The following TSFM variants were observed in gnomAD, a reference collection of about 807,000 sequenced individuals.
TSFM encodes the protein Ts translation elongation factor, mitochondrial, also known as elongation factor Ts, mitochondrial.
A neutral mutation model predicts 33.4 loss-of-function variants in TSFM; 29 were observed. The observed-to-expected ratio is 0.87, with a 90% CI of 0.65 to 1.18. The LOEUF (loss-of-function observed/expected upper bound fraction) is 1.18, where lower values mean the gene tolerates loss of function less well. Ranked by LOEUF, TSFM falls within the 50% of genes most tolerant of loss-of-function variation. The pLI is 0.00. For missense variants in TSFM, 394 were observed against 395.6 expected, an observed-to-expected ratio of 1.00 and a Z score of 0.04; for synonymous variants, 178 against 163.5, an observed-to-expected ratio of 1.09 and a Z score of -0.68.
intron 4 of TSFM, among the ~76,000 whole-genome samples, chr12:57,790,395 AT>A (rs1248873723): frequency 6.6e-6 from 1 of 152,066 alleles, no homozygotes; most frequent in Non-Finnish European, 1.5e-5. Context: ...CTGAGATGTC[AT>A]TTGTTCTTCG....
At chr12:57,786,929 G>A (rs1488234828) in intron 3 of TSFM, 111 bp from the exon 4 acceptor site, 11 of 1,224,044 alleles carry the variant, frequency 9.0e-6, no homozygotes, top group South Asian at 3.4e-5. Flanking sequence ...TTTTTTTTCC[G>A]TTGAGTCTGT....
At chr12:57,787,863 G>A (rs749462194) in intron 4 of TSFM, among the ~76,000 whole-genome samples, 1 of 152,040 alleles carries the variant, frequency 6.6e-6, no homozygotes, top group Non-Finnish European at 1.5e-5. Context: ...GGAGGTAGAG[G>A]CTGCAGTGAG....
At chr12:57,789,850 G>A (rs1955639412) in intron 4 of TSFM, among the ~76,000 whole-genome samples, 1 of 152,180 alleles carries the variant, frequency 6.6e-6, no homozygotes, top group Non-Finnish European at 1.5e-5. Flanking sequence ...CAAGCTGACT[G>A]TAATGTCCTT....
chr12:57,802,407 A>G (rs1286058708), downstream of TSFM: 4 of 1,515,226 alleles, frequency 2.6e-6, no homozygotes, highest in African/African-American at 4.1e-5. Context: ...TAAGTACTAG[A>G]TCATACACAT....
At chr12:57,786,432 C>G (rs1490645699) in intron 3 of TSFM, 141 bp downstream of exon 3, 2 of 1,082,640 alleles carry the variant, frequency 1.8e-6, no homozygotes, top group Non-Finnish European at 2.5e-6. Flanking sequence ...CTCATGAAAC[C>G]CTGGGTATTA....
downstream of TSFM, chr12:57,797,924 G>T: frequency 6.2e-7 from 1 of 1,612,248 alleles, no homozygotes; most frequent in Middle Eastern, 1.7e-4. Flanking sequence ...GCTGTTTCCA[G>T]CCAGGCAGAG....
In TSFM at chr12:57,784,147, A is replaced by G. The variant is rs1331173303; in HGVS notation, c.231+864A>G. 4.3e-6 allele frequency: 3 copies of G among 702,364 alleles called. No individual in the cohort carries two copies. In the Admixed American group the frequency reaches 6.0e-5, roughly 14 times the overall value. The allele number at this position is 702,364 out of a possible 1,614,324, so 43.5% of individuals were successfully genotyped here. ...GTTACAAAATGTTACTGGACTGAATACTGTAGGCAGTTGTAACACAGTGGT... is the reference window on the plus strand; with the variant it reads ...GTTACAAAATGTTACTGGACTGAATGCTGTAGGCAGTTGTAACACAGTGGT... On this transcript the variant is annotated intron_variant, in intron 2 of 5. Transcript: ENST00000652027.
At chr12:57,785,453 T>A (rs2140416328) in intron 2 of TSFM, among the ~76,000 whole-genome samples, 1 of 152,260 alleles carries the variant, frequency 6.6e-6, no homozygotes, top group East Asian at 1.9e-4. Context: ...TGAAGCTGTT[T>A]TACTGTTAAA....
intron 1 of TSFM, 119 bp from the exon 2 acceptor site, chr12:57,782,991 C>G: frequency 6.8e-7 from 1 of 1,466,280 alleles, no homozygotes; most frequent in Non-Finnish European, 9.2e-7. Flanking sequence ...CCCAGTCCAG[C>G]CCCGGTGCAC....
At chr12:57,794,813 G>A (rs938095704) in intron 5 of TSFM, among the ~76,000 whole-genome samples, 2 of 152,124 alleles carry the variant, frequency 1.3e-5, no homozygotes, top group African/African-American at 4.8e-5. Flanking sequence ...AGGCTGGAGT[G>A]CAGTGGCACA....
chr12:57,785,194 G>A (rs1275798843), intron 2 of TSFM, among the ~76,000 whole-genome samples: 1 of 152,034 alleles, frequency 6.6e-6, no homozygotes, highest in Admixed American at 6.5e-5. Flanking sequence ...CCAAAGTGTC[G>A]GGATTACAGG....
At chr12:57,792,896 C>A in intron 4 of TSFM, 90 bp from the exon 5 acceptor site, 1 of 1,350,434 alleles carries the variant, frequency 7.4e-7, no homozygotes, top group Middle Eastern at 1.8e-4. Context: ...CTGGCCAATA[C>A]TTTTCTTAGA....
chr12:57,795,673 G>A (rs1955726173), intron 5 of TSFM, among the ~76,000 whole-genome samples: 1 of 151,950 alleles, frequency 6.6e-6, no homozygotes, highest in South Asian at 2.1e-4. Flanking sequence ...GGACTGCAAT[G>A]GTACGATCTC....
downstream of TSFM, chr12:57,802,511 T>G (rs767822756): frequency 3.5e-6 from 3 of 849,128 alleles, no homozygotes; most frequent in East Asian, 5.3e-5. Flanking sequence ...TTTCCCAGAA[T>G]CAGCTTGATG....
chr12:57,787,795 C>T (rs145289298), intron 4 of TSFM, among the ~76,000 whole-genome samples: 41 of 152,178 alleles, frequency 2.7e-4, no homozygotes, highest in African/African-American at 9.4e-4. Flanking sequence ...GGCGTGGTGG[C>T]GCTTGCCTGT....
intron 5 of TSFM, among the ~76,000 whole-genome samples, chr12:57,794,995 G>A (rs1391670708): frequency 6.6e-6 from 1 of 151,394 alleles, no homozygotes; most frequent in Non-Finnish European, 1.5e-5. Flanking sequence ...TCCTGACCTT[G>A]TGATCCGCCC....
At chr12:57,791,982 T>C (rs1481635130) in intron 4 of TSFM, 15 of 361,498 alleles carry the variant, frequency 4.1e-5, no homozygotes, top group Non-Finnish European at 5.7e-6. Context: ...GGCTCACGCC[T>C]GTAAACCTAG....
At chr12:57,797,861 A>G, downstream of TSFM, 8 of 1,532,070 alleles carry the variant, frequency 5.2e-6, no homozygotes, top group African/African-American at 1.4e-5. Flanking sequence ...TGGCCTTGCA[A>G]TAGGTATAGG....
chr12:57,798,219 T>C (rs1003205182), downstream of TSFM, among the ~76,000 whole-genome samples: 5 of 152,234 alleles, frequency 3.3e-5, no homozygotes, highest in Non-Finnish European at 5.9e-5. Flanking sequence ...CTGGATTCAC[T>C]GCTCTCACAG....
Sources: gnomAD v4.1 joint callset for allele counts (sites outside exome capture counted in the v4.1 genomes callset) on GRCh38, gnomAD v4.1.1 for gene constraint, MANE v1.5 for transcripts, NCBI Gene and HGNC (gene_info 2026-07-23, HGNC 2026-07-21) for gene names.